Variants in MYH8 observed in about 807,000 individuals in gnomAD.
MYH8 encodes the protein myosin heavy chain 8.
A neutral mutation model predicts 233.2 loss-of-function variants in MYH8; 168 were observed. The ratio of observed to expected loss-of-function variants is 0.72; its 90% confidence interval spans 0.64 to 0.82. The LOEUF (loss-of-function observed/expected upper bound fraction) is 0.82. Ranked by LOEUF, MYH8 falls within the 40% of genes least tolerant of loss-of-function variation. The pLI is 0.00. For synonymous variants in MYH8, 785 were observed against 850.6 expected (o/e 0.92, Z 1.34); for missense variants, 1,995 against 2,327.8 (o/e 0.86, Z 2.94).
At chr17:10,393,986 A>G (rs1303198854) in intron 35 of MYH8, among the ~76,000 whole-genome samples, 3 of 138,996 alleles carry the variant, frequency 2.2e-5, no homozygotes, top group Non-Finnish European at 4.6e-5. Flanking sequence ...ATAAAAAAGT[A>G]ATAGCTTTTT....
rs188589291 is a variant in MYH8, at chr17:10,421,235, T to C, written c.-31+428A>G. Among the ~76,000 whole-genome samples, 928 of 152,306 alleles carry C rather than the reference T, an allele frequency of 6.1e-3. 15 individuals carry two copies. The highest frequency in any genetic ancestry group is 0.025 in the Admixed American group (377 of 15,300). On this transcript the variant is annotated intron_variant, in intron 2 of 39. Coordinates refer to ENST00000403437, the MANE Select transcript of MYH8 (RefSeq NM_002472.3). ...TGTTAAGTAAATAATAATAAGTCTT[T>C]CTAACAACAAATAACAAATAATCAA...
intron 17 of MYH8, 63 bp from the exon 18 acceptor site, chr17:10,407,042 A>G: frequency 7.9e-7 from 1 of 1,272,812 alleles, no homozygotes. Flanking sequence ...TTTTGTAATT[A>G]TATGGAATGA....
rs1469483685 is a variant in MYH8, at chr17:10,401,147, T to C, written c.3153A>G (p.Leu1051=). 4 of 1,613,894 alleles carry C rather than the reference T, an allele frequency of 2.5e-6. No homozygotes were observed. Among genetic ancestry groups the C allele is most frequent in the Non-Finnish European group, 3.4e-6 (4 of 1,180,022 alleles). Residue 1051 remains leucine (L), a synonymous_variant, in exon 25 of 40, where the codon CTA becomes CTG. Coordinates refer to ENST00000403437, the MANE Select transcript of MYH8 (RefSeq NM_002472.3). The stretch of plus-strand genomic sequence containing the variant: ...CCTCCAGTTTCCGCTTTGCTCTTTC[T>C]AGATCCATTCGAAGCTTCTTTTCTT... The part of the protein sequence containing the change: ...LEQEKKLRMD[L]ERAKRKLEGD...
intron 22 of MYH8, 114 bp downstream of exon 22, chr17:10,404,216 A>G (rs772219230): frequency 1.1e-5 from 15 of 1,362,424 alleles, no homozygotes; most frequent in Admixed American, 8.2e-5. Context: ...ATGAGGTATT[A>G]AAAACAGCAA....
At chr17:10,416,242 A>C (rs1232539042) in intron 5 of MYH8, among the ~76,000 whole-genome samples, 1 of 152,230 alleles carries the variant, frequency 6.6e-6, no homozygotes, top group Non-Finnish European at 1.5e-5. Flanking sequence ...TTCACTCAGC[A>C]TGGTGTCCTC....
rs1427043516 is a variant in MYH8 at position 10,415,386 on chromosome 17, T to A, written c.649-2A>T. 1 of 1,614,152 alleles carries A rather than the reference T, an allele frequency of 6.2e-7. No homozygotes were observed. On this transcript the variant is annotated splice_acceptor_variant, in intron 7 of 39. Transcript: ENST00000403437. LOFTEE classifies it high-confidence loss of function. The surrounding 1 kb of genome is among the most constrained non-coding windows in gnomAD (Gnocchi z 4.1). Reference sequence around the variant, plus strand: ...GATGATTTGATCTTCCAGAGTCCCCTGCAAAGGAAGGAGCAGTTCTCACAT... The same window carrying A: ...GATGATTTGATCTTCCAGAGTCCCCAGCAAAGGAAGGAGCAGTTCTCACAT...
rs1343714566 is a variant in MYH8, at chr17:10,391,934, A to G, written c.5612T>C (p.Val1871Ala). 1 of 1,614,140 alleles carries G rather than the reference A, an allele frequency of 6.2e-7. No homozygotes were observed. The highest frequency in any genetic ancestry group is 1.1e-5 in the South Asian group (1 of 91,072). The part of the protein sequence containing the change: ...RKNVLRLQDL[V>A]DKLQAKVKSY... Reference sequence around the variant, plus strand: ...TTTCACCTTCGCCTGTAATTTATCTACCAAGTCCTGCAGCCTGAGAACATT... The same window carrying G: ...TTTCACCTTCGCCTGTAATTTATCTGCCAAGTCCTGCAGCCTGAGAACATT... The change falls in exon 39 of 40, where the codon GTA (valine) becomes GCA (alanine). Residue 1871 changes from valine to alanine, a missense_variant. Coordinates refer to ENST00000403437, the MANE Select transcript of MYH8 (RefSeq NM_002472.3).
chr17:10,407,198 T>C (rs1001790541), intron 17 of MYH8, among the ~76,000 whole-genome samples: 30 of 152,300 alleles, frequency 2.0e-4, no homozygotes, highest in Middle Eastern at 3.4e-3. Flanking sequence ...TATTCCTTTG[T>C]AACACCAGGG....
chr17:10,391,105 A>G (rs2072018214), intron 39 of MYH8, among the ~76,000 whole-genome samples: 1 of 152,174 alleles, frequency 6.6e-6, no homozygotes. Context: ...AGGGATAACC[A>G]GGAAGGGTAT....
At chr17:10,393,453 A>G (rs1361483044) in intron 35 of MYH8, among the ~76,000 whole-genome samples, 1 of 152,214 alleles carries the variant, frequency 6.6e-6, no homozygotes, top group African/African-American at 2.4e-5. Context: ...TTATTGGCAT[A>G]CATTAGTTAA....
intron 9 of MYH8, 111 bp from the exon 10 acceptor site, chr17:10,414,595 G>C: frequency 1.3e-6 from 1 of 758,196 alleles, no homozygotes. Context: ...GCTCCAATGA[G>C]ATTTCAACTT....
chr17:10,398,995 TA>T, intron 28 of MYH8, 109 bp from the exon 29 acceptor site: 1 of 60,872 alleles, frequency 1.6e-5, no homozygotes, highest in Non-Finnish European at 2.7e-5. Context: ...TGTGTGTGTG[TA>T]TATATATATA....
chr17:10,398,418 C>T, intron 30 of MYH8, 26 bp downstream of exon 30: 1 of 1,613,930 alleles, frequency 6.2e-7, no homozygotes, highest in Non-Finnish European at 8.5e-7. Flanking sequence ...TCTGGGAGTT[C>T]CTCTTCTAGA....
intron 17 of MYH8, among the ~76,000 whole-genome samples, chr17:10,408,111 T>C (rs868181970): frequency 1.7e-4 from 26 of 151,954 alleles, no homozygotes; most frequent in African/African-American, 5.8e-4. Context: ...CGGCTAATTT[T>C]TATATTCTTA....
chr17:10,396,019 A>G lies in MYH8; in HGVS notation c.4653+311T>C, dbSNP rs929986249. On this transcript the variant is annotated intron_variant, in intron 33 of 39. Coordinates refer to ENST00000403437, the MANE Select transcript of MYH8 (RefSeq NM_002472.3). This position sits in a 1 kb window ranked among gnomAD's most constrained non-coding sequence, Gnocchi z 4.2. ...TTAAAATTACTGTCTACCGTAAAAT[A>G]TTTTTCCAAAATAATCATATTTCAT... 6.6e-6 allele frequency among the ~76,000 whole-genome samples: 1 copy of G among 152,090 alleles called. No homozygotes were observed. The highest frequency in any genetic ancestry group is 2.4e-5 in the African/African-American group (1 of 41,392).
chr17:10,401,137 T>C lies in MYH8; in HGVS notation c.3163A>G (p.Lys1055Glu). The change falls in exon 25 of 40, where the codon AAG becomes GAG. Residue 1055 changes from lysine (K) to glutamate (E), a missense_variant. Coordinates refer to ENST00000403437, the MANE Select transcript of MYH8 (RefSeq NM_002472.3). ...KKLRMDLERA[K>E]RKLEGDLKLA... ...TTGAGGTCACCCTCCAGTTTCCGCT[T>C]TGCTCTTTCTAGATCCATTCGAAGC... 1 of 1,614,170 alleles carries C rather than the reference T, an allele frequency of 6.2e-7. No homozygotes were observed. The highest frequency in any genetic ancestry group is 8.5e-7 in the Non-Finnish European group (1 of 1,180,014).
chr17:10,402,138 T>G (rs946949478), intron 22 of MYH8, among the ~76,000 whole-genome samples: 2 of 152,164 alleles, frequency 1.3e-5, no homozygotes, highest in African/African-American at 4.8e-5. Flanking sequence ...GCTTTATTCC[T>G]TTCATTCTCA....
Position 10,401,386 on chromosome 17 carries a change from C to T in MYH8, c.2997G>A (p.Lys999=). ...GCTGGTGGGTCTCTTGGAGAGCCTT[C>T]TTCTCCTTGGACAGTTTTGCAATGG... ...DETIAKLSKE[K]KALQETHQQT... Residue 999 remains lysine, a synonymous_variant, in exon 24 of 40, where the codon AAG becomes AAA. Transcript: ENST00000403437. 1.2e-6 allele frequency: 2 copies of T among 1,614,030 alleles called. No individual in the cohort carries two copies. Among genetic ancestry groups the T allele is most frequent in the Non-Finnish European group, 1.7e-6 (2 of 1,180,024 alleles).
chr17:10,398,996 A>ATG (rs1567683121), intron 28 of MYH8, 110 bp from the exon 29 acceptor site: 7 of 156,524 alleles, frequency 4.5e-5, no homozygotes, highest in African/African-American at 5.4e-5. Context: ...GTGTGTGTGT[A>ATG]TATATATATA....
Sources: allele counts gnomAD v4.1 joint callset (sites outside exome capture counted in the v4.1 genomes callset), GRCh38; gene constraint gnomAD v4.1.1; non-coding constraint Gnocchi (gnomAD v3.1); transcripts MANE v1.5; gene names NCBI Gene and HGNC (gene_info 2026-07-23, HGNC 2026-07-21).